The following PRKCZ variants were observed in gnomAD, a reference collection of about 807,000 sequenced individuals.
The protein encoded by PRKCZ is protein kinase C zeta type.
Under a neutral mutation model 79.5 loss-of-function variants are expected in PRKCZ, and 33 were observed. That is an observed-to-expected ratio of 0.41 (90% CI 0.31 to 0.55). The LOEUF (loss-of-function observed/expected upper bound fraction) is 0.55, where lower values mean the gene tolerates loss of function less well. PRKCZ is among the 20% of genes least tolerant of loss of function. The pLI is 0.19. For missense variants in PRKCZ, 578 were observed against 813.5 expected, an observed-to-expected ratio of 0.71 and a Z score of 3.52; for synonymous variants, 342 against 320.9, an observed-to-expected ratio of 1.07 and a Z score of -0.70.
chr1:2,174,905 C>A lies in PRKCZ; in HGVS notation c.1485+72C>A. ...TTGGTGGGCAGAGGGCCAGGCACGG[C>A]TGTTGGCCATTTTTTCATGTCGGCT... On this transcript the variant is annotated intron_variant, in intron 15 of 17. Transcript: ENST00000378567. The surrounding 1 kb of genome is among the most constrained non-coding windows in gnomAD (Gnocchi z 6.2). 1 of 1,487,470 alleles carries A rather than the reference C, an allele frequency of 6.7e-7. No homozygotes were observed. Among genetic ancestry groups the A allele is most frequent in the Non-Finnish European group, 9.4e-7 (1 of 1,069,354 alleles). 92.1% of individuals were successfully genotyped at this position (1,487,470 alleles called of 1,614,324 possible).
rs576148441 is a variant in PRKCZ at position 2,083,307 on chromosome 1, G to A, written c.334+23716G>A. Among the ~76,000 whole-genome samples, 4 of 151,948 alleles carry A rather than the reference G, an allele frequency of 2.6e-5. No homozygotes were observed. The East Asian group carries it at 7.8e-4, about 30-fold the overall frequency. ...CTCACCAGTCTCTGATTCCAGCTCC[G>A]GGCTCAGCCAGTGGTCTCAGGACCC... On this transcript the variant is annotated intron_variant, in intron 4 of 17. Coordinates refer to ENST00000378567, the MANE Select transcript of PRKCZ (RefSeq NM_002744.6).
rs377702067 is a variant in PRKCZ at position 2,142,025 on chromosome 1, A to G, written c.421-2185A>G. On this transcript the variant is annotated intron_variant, in intron 5 of 17. Coordinates refer to ENST00000378567, the MANE Select transcript of PRKCZ (RefSeq NM_002744.6). Reference sequence around the variant, plus strand: ...CCTCTTTTCACTCCAGGGTCCACACATCCAGCAGCCGAAGCGCCTCCTTTC... The same window carrying G: ...CCTCTTTTCACTCCAGGGTCCACACGTCCAGCAGCCGAAGCGCCTCCTTTC... The G allele has an allele frequency of 2.0e-3, 153 of 75,314 alleles. 5 individuals are homozygous for G. The highest frequency in any genetic ancestry group is 0.013 in the South Asian group (70 of 5,592). The allele number at this position is 75,314 out of a possible 1,614,324, so 4.7% of individuals were successfully genotyped here.
intron 4 of PRKCZ, among the ~76,000 whole-genome samples, chr1:2,121,335 C>T (rs1319929896): frequency 4.6e-5 from 7 of 152,160 alleles, no homozygotes; most frequent in South Asian, 2.1e-4. Flanking sequence ...CGTGTACTTC[C>T]GGAATGCTAT....
At chr1:2,122,153 C>G (rs1374411567) in intron 4 of PRKCZ, among the ~76,000 whole-genome samples, 2 of 1,108 alleles carry the variant, frequency 1.8e-3, no homozygotes, top group Non-Finnish European at 2.7e-3. Flanking sequence ...TGGTTAGGGT[C>G]GTGGTGGTTA....
chr1:2,148,859 C>G lies in PRKCZ; in HGVS notation c.635-13C>G, dbSNP rs763492038. On this transcript the variant is annotated splice_polypyrimidine_tract_variant and intron_variant, in intron 7 of 17. Transcript: ENST00000378567. ...ACACCGTAACGCCCCTTCCTTCCTC[C>G]CTCTCTCACCAGTTGCTTACATTTC... The G allele has an allele frequency of 6.2e-7, 1 of 1,613,706 alleles. No individual in the cohort carries two copies. The highest frequency in any genetic ancestry group is 8.5e-7 in the Non-Finnish European group (1 of 1,179,678).
At chr1:2,134,186 C>T (rs1478789313) in intron 4 of PRKCZ, among the ~76,000 whole-genome samples, 1 of 152,214 alleles carries the variant, frequency 6.6e-6, no homozygotes, top group African/African-American at 2.4e-5. Flanking sequence ...GACCTGCGCT[C>T]CTGGAGGACC....
At chr1:2,092,462 C>T (rs948377251) in intron 4 of PRKCZ, among the ~76,000 whole-genome samples, 3 of 152,254 alleles carry the variant, frequency 2.0e-5, no homozygotes, top group Admixed American at 2.0e-4. Context: ...CCGCGCCCTC[C>T]CCCTTTTTCA....
chr1:2,053,386 A>G (rs1017725382), intron 1 of PRKCZ, among the ~76,000 whole-genome samples: 6 of 152,168 alleles, frequency 3.9e-5, no homozygotes, highest in Non-Finnish European at 7.3e-5. Context: ...GGCGTGAGTC[A>G]CCGCGCCTGG....
chr1:2,048,680 G>A (rs897875729), upstream of PRKCZ, among the ~76,000 whole-genome samples: 7 of 152,288 alleles, frequency 4.6e-5, no homozygotes, highest in Admixed American at 1.3e-4. Flanking sequence ...GGCTGGGTGA[G>A]TGTTGGTTGG....
rs1660077842 is a variant in PRKCZ, at chr1:2,055,442, G to A, written c.73G>A (p.Asp25Asn). The change falls in exon 2 of 18, where the codon GAC (aspartate) becomes AAC (asparagine). Residue 25 changes from aspartate to asparagine, a missense_variant and splice_region_variant. By Grantham distance (23) the Asp-to-Asn change is conservative. Coordinates refer to ENST00000378567, the MANE Select transcript of PRKCZ (RefSeq NM_002744.6). ...ATGCCCATGTCCCCTCTGCCCCAGG[G>A]ACATCTTCATCACCAGCGTGGACGC... ...RVRLKAHYGGDIFITSVDAAT... is the reference protein window; with the variant it reads ...RVRLKAHYGGNIFITSVDAAT... The A allele has an allele frequency of 2.5e-6, 4 of 1,611,272 alleles. No homozygotes were observed. The highest frequency in any genetic ancestry group is 3.3e-5 in the Admixed American group (2 of 59,706).
chr1:2,148,230 C>T (rs1234140088), intron 7 of PRKCZ, among the ~76,000 whole-genome samples: 5 of 151,282 alleles, frequency 3.3e-5, no homozygotes, highest in South Asian at 4.2e-4. Flanking sequence ...CTGACCTCTC[C>T]GTCTATCCAT....
At position 2,172,282 on chromosome 1, in the gene PRKCZ, A is replaced by G. The variant is rs1684591836; in HGVS notation, c.1198-19A>G. 1.2e-6 allele frequency: 2 copies of G among 1,613,570 alleles called. No individual in the cohort carries two copies. Among genetic ancestry groups the G allele is most frequent in the Non-Finnish European group, 1.7e-6 (2 of 1,180,002 alleles). On this transcript the variant is annotated intron_variant, in intron 12 of 17. Coordinates refer to ENST00000378567, the MANE Select transcript of PRKCZ (RefSeq NM_002744.6). This position sits in a 1 kb window ranked among gnomAD's most constrained non-coding sequence, Gnocchi z 7.8. ...GTAGTGTCTACAAGAACCCTCTCCC[A>G]GTAACTTTGCCCCCACAGGAAGGCC...
chr1:2,150,692 G>T (rs996034245), intron 8 of PRKCZ, 98 bp from the exon 9 acceptor site: 2 of 1,248,022 alleles, frequency 1.6e-6, no homozygotes, highest in African/African-American at 1.5e-5. Context: ...GGGCTCTGAG[G>T]AGCAGGTCTC....
chr1:2,130,387 G>C (rs1571675236), intron 4 of PRKCZ, among the ~76,000 whole-genome samples: 1 of 152,166 alleles, frequency 6.6e-6, no homozygotes, highest in African/African-American at 2.4e-5. Flanking sequence ...CCAGGGCCAG[G>C]GGCTCCTGGC....
rs376170066 is a variant in PRKCZ, at chr1:2,105,558, C to A, written c.335-29704C>A. Among the ~76,000 whole-genome samples, 9 of 152,310 alleles carry A rather than the reference C, an allele frequency of 5.9e-5. No individual in the cohort carries two copies. The South Asian group carries it at 8.3e-4, about 14-fold the overall frequency. ...GGGATTACAGGCACCTGCCACCATG[C>A]GCAGCTAATTTTTGTATTTTTAGTA... On this transcript the variant is annotated intron_variant, in intron 4 of 17. Transcript: ENST00000378567.
intron 5 of PRKCZ, among the ~76,000 whole-genome samples, chr1:2,138,944 T>C (rs1221133446): frequency 6.6e-6 from 1 of 152,012 alleles, no homozygotes; most frequent in Non-Finnish European, 1.5e-5. Context: ...AGAAGAAACC[T>C]AGAAGCTGTG....
Position 2,174,631 on chromosome 1 carries a change from A to G in PRKCZ, c.1406-123A>G. ...TTATAGATATTGCTGGGCTGTAGGA[A>G]GGGAGGGGCTCCGGGGCCCCAAGGC... On this transcript the variant is annotated intron_variant, in intron 14 of 17. Coordinates refer to ENST00000378567, the MANE Select transcript of PRKCZ (RefSeq NM_002744.6). The surrounding 1 kb of genome is among the most constrained non-coding windows in gnomAD (Gnocchi z 6.2). 1.1e-6 allele frequency: 1 copy of G among 896,128 alleles called. No homozygotes were observed. Among genetic ancestry groups the G allele is most frequent in the Non-Finnish European group, 1.8e-6 (1 of 570,416 alleles). The allele number at this position is 896,128 out of a possible 1,614,324, so 55.5% of individuals were successfully genotyped here. A position where few individuals can be genotyped will look rare whatever the true frequency, so the allele number is the denominator to read the frequency against.
chr1:2,097,482 T>A (rs1272118774), intron 4 of PRKCZ, among the ~76,000 whole-genome samples: 1 of 152,174 alleles, frequency 6.6e-6, no homozygotes, highest in African/African-American at 2.4e-5. Context: ...CCTGAAGGCA[T>A]TCCTTACCTG....
chr1:2,099,298 G>C (rs1435403882), intron 4 of PRKCZ, among the ~76,000 whole-genome samples: 1 of 152,214 alleles, frequency 6.6e-6, no homozygotes, highest in Non-Finnish European at 1.5e-5. Context: ...TGACGTCTGA[G>C]ACCTTTTCCC....
Sources: allele counts gnomAD v4.1 joint callset (sites outside exome capture counted in the v4.1 genomes callset), GRCh38; gene constraint gnomAD v4.1.1; non-coding constraint Gnocchi (gnomAD v3.1); transcripts MANE v1.5; gene names NCBI Gene and HGNC (gene_info 2026-07-23, HGNC 2026-07-21).